The following PPP3R1 variants were observed in gnomAD, a reference collection of about 807,000 sequenced individuals.
PPP3R1 encodes the protein protein phosphatase 3 regulatory subunit B, alpha, also known as calcineurin subunit B type 1.
In PPP3R1, 5 loss-of-function variants were observed where a neutral mutation model predicts 22.6. The ratio of observed to expected loss-of-function variants is 0.22; its 90% confidence interval spans 0.12 to 0.46. PPP3R1 has a LOEUF of 0.46. PPP3R1 is among the 20% of genes least tolerant of loss of function. The probability of loss-of-function intolerance (pLI) is 0.99; values close to 1 mark genes in which losing one functional copy is unlikely to be tolerated. For synonymous variants in PPP3R1, 56 were observed against 65.2 expected (o/e 0.86, Z 0.68); for missense variants, 61 against 203.2 (o/e 0.30, Z 4.25).
intron 1 of PPP3R1, among the ~76,000 whole-genome samples, chr2:68,231,055 T>C (rs1266290392): frequency 6.6e-6 from 1 of 152,210 alleles, no homozygotes; most frequent in African/African-American, 2.4e-5. Context: ...CAGCCATTAT[T>C]TCCTTAAGTA....
intron 1 of PPP3R1, among the ~76,000 whole-genome samples, chr2:68,232,122 T>TACACACACACACACACAC (rs1165774321): frequency 8.3e-5 from 4 of 48,178 alleles, no homozygotes; most frequent in African/African-American, 4.2e-4. Flanking sequence ...TATATATATA[T>TACACACACACACACACAC]ATACACACAC....
At chr2:68,246,534 G>A (rs1182431227) in intron 1 of PPP3R1, among the ~76,000 whole-genome samples, 1 of 152,130 alleles carries the variant, frequency 6.6e-6, no homozygotes, top group African/African-American at 2.4e-5. Flanking sequence ...TATTGACCAA[G>A]TCATCAAAAC....
chr2:68,232,986 C>A (rs1669948948), intron 1 of PPP3R1, among the ~76,000 whole-genome samples: 1 of 152,172 alleles, frequency 6.6e-6, no homozygotes, highest in South Asian at 2.1e-4. Flanking sequence ...CTACTATAAT[C>A]TACTATAATA....
At chr2:68,251,987 G>A in intron 1 of PPP3R1, 138 bp downstream of exon 1, 1 of 896,384 alleles carries the variant, frequency 1.1e-6, no homozygotes. Context: ...CGCAACCGCC[G>A]CGGGACCCGC....
At chr2:68,225,903 C>A (rs1258946745) in intron 1 of PPP3R1, among the ~76,000 whole-genome samples, 2 of 152,180 alleles carry the variant, frequency 1.3e-5, no homozygotes, top group Non-Finnish European at 2.9e-5. Flanking sequence ...CTTTATTCAG[C>A]TTTATTCTTA....
At chr2:68,230,900 C>G (rs1201905041) in intron 1 of PPP3R1, among the ~76,000 whole-genome samples, 1 of 152,184 alleles carries the variant, frequency 6.6e-6, no homozygotes, top group Non-Finnish European at 1.5e-5. Flanking sequence ...TAATTTCTCT[C>G]GTGCTGATTT....
chr2:68,229,985 C>T (rs112308301), intron 1 of PPP3R1, among the ~76,000 whole-genome samples: 4 of 106,360 alleles, frequency 3.8e-5, no homozygotes, highest in African/African-American at 1.2e-4. Context: ...CACACACACA[C>T]ACACACACAC....
chr2:68,251,014 A>G (rs1670337751), intron 1 of PPP3R1: 1 of 152,244 alleles, frequency 6.6e-6, no homozygotes, highest in South Asian at 2.1e-4. Flanking sequence ...AAGTCTTCTG[A>G]CAACTGTTCA....
intron 1 of PPP3R1, among the ~76,000 whole-genome samples, chr2:68,232,209 TTG>T (rs1261524866): frequency 1.1e-5 from 1 of 93,026 alleles, no homozygotes; most frequent in African/African-American, 3.9e-5. Context: ...TATATACATA[TTG>T]TATATGTATA....
chr2:68,243,931 C>T (rs1670181486), intron 1 of PPP3R1, among the ~76,000 whole-genome samples: 1 of 152,016 alleles, frequency 6.6e-6, no homozygotes, highest in Non-Finnish European at 1.5e-5. Context: ...AAAAACCCCA[C>T]ACAAAAAACT....
rs957267168 is a variant in PPP3R1, at chr2:68,217,066, C to G, written c.43+26G>C. On this transcript the variant is annotated intron_variant, in intron 2 of 5. Coordinates refer to ENST00000234310, the MANE Select transcript of PPP3R1 (RefSeq NM_000945.4). ...GAGAGAGATGAGTGAATAAAAGTAACTTTTGGTAACAAGAATATGACTTAC... is the reference window on the plus strand; with the variant it reads ...GAGAGAGATGAGTGAATAAAAGTAAGTTTTGGTAACAAGAATATGACTTAC... 7 of 1,534,290 alleles carry G rather than the reference C, an allele frequency of 4.6e-6. No individual in the cohort carries two copies. The Admixed American group carries it at 1.2e-4, about 27-fold the overall frequency.
chr2:68,193,701 T>C (rs867719495), intron 2 of PPP3R1, among the ~76,000 whole-genome samples: 2 of 152,162 alleles, frequency 1.3e-5, no homozygotes, highest in African/African-American at 4.8e-5. Flanking sequence ...AGTAGGATAT[T>C]AGAGTATGAA....
At chr2:68,196,422 A>G (rs1161600212) in intron 2 of PPP3R1, among the ~76,000 whole-genome samples, 1 of 152,340 alleles carries the variant, frequency 6.6e-6, no homozygotes, top group Non-Finnish European at 1.5e-5. Context: ...TATATTCTGC[A>G]CAGTTTGACT....
chr2:68,220,746 G>A (rs1669673456), intron 1 of PPP3R1, among the ~76,000 whole-genome samples: 1 of 152,080 alleles, frequency 6.6e-6, no homozygotes, highest in Non-Finnish European at 1.5e-5. Flanking sequence ...GTAAGTAAAA[G>A]AAGCCAAAAA....
intron 3 of PPP3R1, among the ~76,000 whole-genome samples, chr2:68,188,177 T>A (rs560392883): frequency 9.8e-4 from 149 of 151,926 alleles, no homozygotes; most frequent in African/African-American, 3.6e-3. Context: ...CTCAAAAAAA[T>A]TAAATAAATA....
chr2:68,216,478 A>T (rs10191973), intron 2 of PPP3R1, among the ~76,000 whole-genome samples: 55,848 of 95,098 alleles, frequency 0.59, 13,955 homozygotes, highest in African/African-American at 0.78. Flanking sequence ...ATTAAAAATT[A>T]AAAAAAAAAA....
chr2:68,228,643 T>C lies in PPP3R1; in HGVS notation c.4-11512A>G, dbSNP rs183304541. ...GTTTTTCTCTATTGTTTCTGTTTTT[T>C]ATTTCATTTACTATTTCCTTCCTTC... On this transcript the variant is annotated intron_variant, in intron 1 of 5. Coordinates refer to ENST00000234310, the MANE Select transcript of PPP3R1 (RefSeq NM_000945.4). 2.8e-4 allele frequency among the ~76,000 whole-genome samples: 42 copies of C among 152,206 alleles called. No homozygotes were observed. In the East Asian group the frequency reaches 4.4e-3, roughly 16 times the overall value.
intron 1 of PPP3R1, among the ~76,000 whole-genome samples, chr2:68,220,825 T>C (rs562319953): frequency 3.7e-4 from 57 of 152,218 alleles, no homozygotes; most frequent in Non-Finnish European, 6.9e-4. Context: ...AGAAACAAAA[T>C]GTAGAGACTG....
At chr2:68,246,114 G>A (rs1266142849) in intron 1 of PPP3R1, among the ~76,000 whole-genome samples, 10 of 113,062 alleles carry the variant, frequency 8.8e-5, no homozygotes, top group African/African-American at 1.8e-4. Flanking sequence ...TTGCTCTGTC[G>A]TCCAAGCTGG....
Sources: gnomAD v4.1 joint callset for allele counts (sites outside exome capture counted in the v4.1 genomes callset) on GRCh38, gnomAD v4.1.1 for gene constraint, MANE v1.5 for transcripts, NCBI Gene and HGNC (gene_info 2026-07-23, HGNC 2026-07-21) for gene names.